Variants in ITIH5 observed in about 807,000 individuals in gnomAD.
ITIH5 encodes the protein inter-alpha-trypsin inhibitor heavy chain 5, also known as inter-alpha-trypsin inhibitor heavy chain H5.
Under a neutral mutation model 77.5 loss-of-function variants are expected in ITIH5, and 65 were observed. The observed-to-expected ratio is 0.84, with a 90% CI of 0.69 to 1.03. The LOEUF (loss-of-function observed/expected upper bound fraction) is 1.03, where lower values mean the gene tolerates loss of function less well. Ranked by LOEUF, ITIH5 falls within the 50% of genes least tolerant of loss-of-function variation. The probability of loss-of-function intolerance (pLI) is 0.00; values close to 1 mark genes in which losing one functional copy is unlikely to be tolerated. For missense variants in ITIH5, 1,208 were observed against 1,213.1 expected (o/e 1.00, Z 0.06); for synonymous variants, 525 against 494.3 (o/e 1.06, Z -0.82).
At chr10:7,641,608 A>T (rs1833885862) in intron 3 of ITIH5, among the ~76,000 whole-genome samples, 1 of 144,722 alleles carries the variant, frequency 6.9e-6, no homozygotes, top group Non-Finnish European at 1.5e-5. Context: ...AATAGAAGGA[A>T]GGGAGAGAGA....
Position 7,562,203 on chromosome 10 carries a change from T to G in ITIH5, c.*880A>C, listed in dbSNP as rs1832052517. ...CCTGGATGACCACAAGGAAAAAAGG[T>G]CTGGGAACTATGACAAAGGCTGGAG... On this transcript the variant is annotated 3_prime_UTR_variant, in exon 14 of 14. Coordinates refer to ENST00000397146, the MANE Select transcript of ITIH5 (RefSeq NM_030569.7). The G allele has an allele frequency of 6.6e-6, 1 of 152,220 alleles. No homozygotes were observed. Among genetic ancestry groups the G allele is most frequent in the South Asian group, 2.1e-4 (1 of 4,826 alleles). 9.4% of individuals were successfully genotyped at this position (152,220 alleles called of 1,614,324 possible).
At chr10:7,599,237 C>T (rs1365367962) in intron 7 of ITIH5, among the ~76,000 whole-genome samples, 1 of 152,162 alleles carries the variant, frequency 6.6e-6, no homozygotes, top group Non-Finnish European at 1.5e-5. Flanking sequence ...TTCCATACTT[C>T]TCATTCTAGC....
chr10:7,661,297 C>T (rs1834272661), intron 1 of ITIH5, among the ~76,000 whole-genome samples: 1 of 152,200 alleles, frequency 6.6e-6, no homozygotes, highest in African/African-American at 2.4e-5. Context: ...ACACCTTCAA[C>T]TGACTGAAGT....
chr10:7,573,245 A>T (rs1225958259), intron 10 of ITIH5, 50 bp from the exon 11 acceptor site: 1 of 1,508,684 alleles, frequency 6.6e-7, no homozygotes, highest in Admixed American at 1.7e-5. Flanking sequence ...AAAGAAGATG[A>T]AGAGAGAGGT....
At chr10:7,620,639 C>G (rs760467766) in intron 5 of ITIH5, 1 of 151,660 alleles carries the variant, frequency 6.6e-6, no homozygotes, top group African/African-American at 2.4e-5. Context: ...GTAGATTAAA[C>G]AGGCATTCCC....
In ITIH5 at chr10:7,637,466, A is replaced by T; in HGVS notation, c.414T>A (p.Thr138=). The T allele has an allele frequency of 6.2e-7, 1 of 1,613,906 alleles. No homozygotes were observed. The change falls in exon 5 of 14, where the codon ACT becomes ACA. Residue 138 remains threonine, a synonymous_variant. Coordinates refer to ENST00000397146, the MANE Select transcript of ITIH5 (RefSeq NM_030569.7). ...TCACTGCAGAAGCTCTGAATATTTC[A>T]GTCCCCTTCTCTCTGTCAGGAAAAA... is the stretch of plus-strand genomic sequence containing the variant. The part of the protein sequence containing the change: ...KTTEENGEKG[T]EIFRASAVIP...
At chr10:7,657,959 G>A (rs937919960) in intron 1 of ITIH5, among the ~76,000 whole-genome samples, 3 of 152,212 alleles carry the variant, frequency 2.0e-5, no homozygotes, top group Admixed American at 2.0e-4. Flanking sequence ...AGGTGTATAA[G>A]CAAGACATAA....
chr10:7,571,950 T>C (rs1436352399), intron 11 of ITIH5: 11 of 989,412 alleles, frequency 1.1e-5, no homozygotes, highest in East Asian at 1.1e-4. Flanking sequence ...CATCTGACAG[T>C]TTTCTGAGAG....
In ITIH5 at chr10:7,562,490, AG is replaced by A. The variant is rs1169924981; in HGVS notation, c.*592del. ...TTTAAGGGCAAGATACCACAGCAGAAGAAAAACGTCTTGCAAGAAAAGACTT... is the reference window on the plus strand; with the variant it reads ...TTTAAGGGCAAGATACCACAGCAGAAAAAAACGTCTTGCAAGAAAAGACTT... On this transcript the variant is annotated 3_prime_UTR_variant, in exon 14 of 14. Transcript: ENST00000397146. The A allele has an allele frequency of 6.5e-6, 1 of 152,770 alleles. No individual in the cohort carries two copies. The highest frequency in any genetic ancestry group is 6.5e-5 in the Admixed American group (1 of 15,354). 9.5% of individuals were successfully genotyped at this position (152,770 alleles called of 1,614,324 possible). A position where few individuals can be genotyped will look rare whatever the true frequency, so the allele number is the denominator to read the frequency against.
chr10:7,563,020 G>T lies in ITIH5; in HGVS notation c.*63C>A. On this transcript the variant is annotated 3_prime_UTR_variant, in exon 14 of 14. Coordinates refer to ENST00000397146, the MANE Select transcript of ITIH5 (RefSeq NM_030569.7). ...GAGGCGTGTACAAGCCATGAAAAGA[G>T]CTGCCCCACGGCCTCCCCACATCAC... 6.9e-7 allele frequency: 1 copy of T among 1,452,254 alleles called. No homozygotes were observed. The highest frequency in any genetic ancestry group is 1.4e-5 in the African/African-American group (1 of 72,564). 90.0% of individuals were successfully genotyped at this position (1,452,254 alleles called of 1,614,324 possible). A position where few individuals can be genotyped will look rare whatever the true frequency, so the allele number is the denominator to read the frequency against.
intron 2 of ITIH5, among the ~76,000 whole-genome samples, chr10:7,644,769 T>A (rs1396884294): frequency 1.4e-5 from 2 of 140,398 alleles, no homozygotes; most frequent in African/African-American, 2.7e-5. Context: ...CACATATATA[T>A]CATATATATC....
chr10:7,573,253 G>A (rs1832341876), intron 10 of ITIH5, 58 bp from the exon 11 acceptor site: 18 of 1,446,478 alleles, frequency 1.2e-5, no homozygotes, highest in Non-Finnish European at 1.6e-5. Flanking sequence ...TGAAGAGAGA[G>A]GTGCAAAGGG....
At chr10:7,597,044 CAAAAAA>C (rs71383924) in intron 7 of ITIH5, among the ~76,000 whole-genome samples, 4 of 36,926 alleles carry the variant, frequency 1.1e-4, no homozygotes, top group Admixed American at 4.7e-4. Flanking sequence ...GTCTCCAACT[CAAAAAA>C]AAAAAAAAAA....
chr10:7,579,887 C>A lies in ITIH5; in HGVS notation c.1286G>T (p.Gly429Val). The A allele has an allele frequency of 1.2e-6, 2 of 1,614,224 alleles. No individual in the cohort carries two copies. Among genetic ancestry groups the A allele is most frequent in the Middle Eastern group, 1.6e-4 (1 of 6,062 alleles). The stretch of plus-strand genomic sequence containing the variant: ...GCCAATGGTGAAGATGCAGACTTGG[C>A]CTCGGGCGGCCTCTCGGGTGTTGTT... ...ILNNTREAARGQVCIFTIGIG... is the reference protein window; with the variant it reads ...ILNNTREAARVQVCIFTIGIG... Residue 429 changes from glycine (G) to valine (V), a missense_variant, in exon 9 of 14, where the codon GGC (glycine) becomes GTC (valine). Transcript: ENST00000397146.
At chr10:7,573,959 A>AC (rs1279835159) in intron 10 of ITIH5, among the ~76,000 whole-genome samples, 1 of 152,200 alleles carries the variant, frequency 6.6e-6, no homozygotes, top group Non-Finnish European at 1.5e-5. Context: ...AACATCGCTT[A>AC]CCAGCATTGA....
At chr10:7,634,985 G>C (rs1833776518) in intron 5 of ITIH5, among the ~76,000 whole-genome samples, 2 of 152,032 alleles carry the variant, frequency 1.3e-5, no homozygotes, top group African/African-American at 4.8e-5. Context: ...TTTTCATAGA[G>C]ACAAGTTCTT....
chr10:7,630,151 C>T (rs1206182136), intron 5 of ITIH5, among the ~76,000 whole-genome samples: 2 of 152,132 alleles, frequency 1.3e-5, no homozygotes, highest in Non-Finnish European at 2.9e-5. Flanking sequence ...CTTTCTAGTC[C>T]TTGCTTTTTA....
intron 13 of ITIH5, among the ~76,000 whole-genome samples, chr10:7,565,050 C>CATATATACATACATAGACTGTATATATAT (rs1564230685): frequency 3.8e-5 from 5 of 130,888 alleles, no homozygotes; most frequent in African/African-American, 1.4e-4. Flanking sequence ...TATATATATA[C>CATATATACATACATAGACTGTATATATAT]ATATATACAC....
intron 4 of ITIH5, among the ~76,000 whole-genome samples, chr10:7,639,568 G>C (rs1228071618): frequency 6.6e-6 from 1 of 150,872 alleles, no homozygotes; most frequent in Non-Finnish European, 1.5e-5. Flanking sequence ...TTCTCAAAAT[G>C]ATGTCTTTTT....
Sources: gnomAD v4.1 joint callset for allele counts (sites outside exome capture counted in the v4.1 genomes callset) on GRCh38, gnomAD v4.1.1 for gene constraint, MANE v1.5 for transcripts, NCBI Gene and HGNC (gene_info 2026-07-23, HGNC 2026-07-21) for gene names.